TASOR: variants seen among roughly 807,000 people sequenced by gnomAD.
TASOR encodes the protein transcription activation suppressor, also known as protein TASOR.
TASOR carries 53 observed loss-of-function variants against 178.6 expected under a neutral mutation model. The observed-to-expected ratio is 0.30, with a 90% CI of 0.24 to 0.37. TASOR has a LOEUF of 0.37. Among genes scored for constraint, TASOR ranks in the 10% least tolerant of loss-of-function variants. The pLI is 1.00. For synonymous variants in TASOR, 713 were observed against 696.2 expected (o/e 1.02, Z -0.38); for missense variants, 1,815 against 1,971.4 (o/e 0.92, Z 1.50).
chr3:56,625,584 T>C (rs1381902530), intron 21 of TASOR, among the ~76,000 whole-genome samples: 1 of 152,174 alleles, frequency 6.6e-6, no homozygotes, highest in African/African-American at 2.4e-5. Flanking sequence ...GAGGCAGAGG[T>C]TGCAGTGAGC....
intron 1 of TASOR, among the ~76,000 whole-genome samples, chr3:56,678,474 C>A (rs1164515081): frequency 6.6e-6 from 1 of 151,896 alleles, no homozygotes; most frequent in Non-Finnish European, 1.5e-5. Flanking sequence ...ATCCACCATG[C>A]CCAGCCCACA....
chr3:56,659,226 G>C (rs950345399), intron 11 of TASOR, among the ~76,000 whole-genome samples: 4 of 152,112 alleles, frequency 2.6e-5, no homozygotes, highest in Admixed American at 6.5e-5. Context: ...CCTGGAAACT[G>C]AGGCTCAACA....
rs528041032 is a variant in TASOR, at chr3:56,666,921, A to G, written c.898-537T>C. 3.9e-5 allele frequency among the ~76,000 whole-genome samples: 6 copies of G among 152,354 alleles called. 1 individual carries two copies. The South Asian group carries it at 1.2e-3, about 32-fold the overall frequency. Reference sequence around the variant, plus strand: ...CCTTCACCTCTTCACCACATTCAGTATAGTACAGTTTTGTAACTTTCAGAG... The same window carrying G: ...CCTTCACCTCTTCACCACATTCAGTGTAGTACAGTTTTGTAACTTTCAGAG... On this transcript the variant is annotated intron_variant, in intron 6 of 23. Coordinates refer to ENST00000683822, the MANE Select transcript of TASOR (RefSeq NM_001365635.2).
At chr3:56,661,046 C>T (rs2077583015) in intron 9 of TASOR, 29 bp from the exon 10 acceptor site, 2 of 1,467,172 alleles carry the variant, frequency 1.4e-6, no homozygotes, top group African/African-American at 2.8e-5. Flanking sequence ...AACATGTTTG[C>T]CTTATCTGTA....
At chr3:56,645,060 G>T (rs1443622208) in intron 14 of TASOR, among the ~76,000 whole-genome samples, 1 of 152,166 alleles carries the variant, frequency 6.6e-6, no homozygotes, top group Non-Finnish European at 1.5e-5. Flanking sequence ...GATCACTTGA[G>T]GTCAGGAGTT....
At chr3:56,673,411 A>G (rs1415828142) in intron 2 of TASOR, among the ~76,000 whole-genome samples, 169 bp downstream of exon 2, 1 of 140,404 alleles carries the variant, frequency 7.1e-6, no homozygotes, top group Non-Finnish European at 1.5e-5. Context: ...CAGCCTGGGC[A>G]ACAACAGTGA....
chr3:56,630,156 G>A (rs11712799), intron 18 of TASOR, among the ~76,000 whole-genome samples: 27,521 of 151,742 alleles, frequency 0.18, 3,274 homozygotes, highest in South Asian at 0.41. Context: ...TAGTAGAGAC[G>A]GGGTTTCACC....
chr3:56,669,923 G>C, intron 4 of TASOR, 132 bp from the exon 5 acceptor site: 1 of 874,170 alleles, frequency 1.1e-6, no homozygotes, highest in Non-Finnish European at 1.7e-6. Flanking sequence ...AGATAAAACT[G>C]ATCTTACATT....
chr3:56,680,749 A>G (rs1166135723), intron 1 of TASOR, among the ~76,000 whole-genome samples: 1 of 152,144 alleles, frequency 6.6e-6, no homozygotes, highest in Non-Finnish European at 1.5e-5. Context: ...ATAAATAATT[A>G]CACAAGTTAA....
chr3:56,653,114 T>C (rs2077386372), intron 11 of TASOR, among the ~76,000 whole-genome samples: 1 of 151,110 alleles, frequency 6.6e-6, no homozygotes, highest in Non-Finnish European at 1.5e-5. Context: ...TACACGAAAA[T>C]TAGCCAGGTG....
rs1407120133 is a variant in TASOR at position 56,683,069 on chromosome 3, G to A, written c.-63C>T. The A allele has an allele frequency of 1.4e-5, 20 of 1,429,650 alleles. No individual in the cohort carries two copies. Among genetic ancestry groups the A allele is most frequent in the Non-Finnish European group, 1.8e-5 (20 of 1,086,428 alleles). The allele number at this position is 1,429,650 out of a possible 1,614,324, so 88.6% of individuals were successfully genotyped here. ...CAAGGTCGACGGGTGTGGGGGGAAG[G>A]GGCGGCGGGCCAGTCTCGCCGCCGA... On this transcript the variant is annotated 5_prime_UTR_variant, in exon 1 of 24. Transcript: ENST00000683822.
chr3:56,621,612 A>AT lies in TASOR; in HGVS notation c.*1424dup. The AT allele has an allele frequency of 6.3e-7, 1 of 1,594,564 alleles. No individual in the cohort carries two copies. The highest frequency in any genetic ancestry group is 8.5e-7 in the Non-Finnish European group (1 of 1,170,488). On this transcript the variant is annotated 3_prime_UTR_variant, in exon 24 of 24. Transcript: ENST00000683822. The stretch of plus-strand genomic sequence containing the variant: ...ATCAAGAAGAGAGTTTTGGTTCTTC[A>AT]TTTTAAATGTAGAAAATCAAATCCT...
Position 56,682,969 on chromosome 3 carries a change from G to T in TASOR, c.38C>A (p.Thr13Lys). 1.9e-6 allele frequency: 3 copies of T among 1,549,204 alleles called. No individual in the cohort carries two copies. In the Admixed American group the frequency reaches 5.9e-5, roughly 30 times the overall value. ...TAVETEACQP[T>K]DASWESGGGG... ...GCCGCCACTTTCCCAACTCGCATCC[G>T]TCGGCTGACAGGCCTCCGTCTCCAC... Residue 13 changes from threonine (T) to lysine (K), a missense_variant, in exon 1 of 24, where the codon ACG (threonine) becomes AAG (lysine). Thr to Lys is a moderately conservative substitution (Grantham distance 78). Coordinates refer to ENST00000683822, the MANE Select transcript of TASOR (RefSeq NM_001365635.2).
intron 9 of TASOR, among the ~76,000 whole-genome samples, chr3:56,661,613 A>G (rs1372608552): frequency 1.3e-5 from 2 of 152,184 alleles, no homozygotes; most frequent in African/African-American, 4.8e-5. Flanking sequence ...ATGTTTATAA[A>G]GGCCCACAAT....
intron 20 of TASOR, 86 bp downstream of exon 20, chr3:56,627,494 ATC>A (rs1231102170): frequency 1.5e-5 from 21 of 1,389,108 alleles, no homozygotes; most frequent in Non-Finnish European, 2.0e-5. Context: ...TGTACTAGTT[ATC>A]TGTGAATGGC....
chr3:56,675,651 G>T (rs1578302146), intron 1 of TASOR, among the ~76,000 whole-genome samples: 1 of 152,206 alleles, frequency 6.6e-6, no homozygotes, highest in East Asian at 1.9e-4. Context: ...TTTCACTGTA[G>T]AGAGAACTAC....
intron 11 of TASOR, among the ~76,000 whole-genome samples, chr3:56,659,124 A>G (rs542638868): frequency 6.6e-6 from 1 of 152,312 alleles, no homozygotes; most frequent in South Asian, 2.1e-4. Context: ...CTGATTAAGC[A>G]CATATATATG....
chr3:56,646,505 G>C lies in TASOR; in HGVS notation c.2215+17C>G. 1 of 1,567,184 alleles carries C rather than the reference G, an allele frequency of 6.4e-7. No individual in the cohort carries two copies. On this transcript the variant is annotated intron_variant, in intron 14 of 23. Transcript: ENST00000683822. ...TACTTTATTTTTGGCTGTTATAAGA[G>C]CAATCTGATATTTTACCTTCATACA...
chr3:56,626,551 G>A (rs955846520), intron 21 of TASOR, among the ~76,000 whole-genome samples: 5 of 151,796 alleles, frequency 3.3e-5, no homozygotes, highest in African/African-American at 4.8e-5. Context: ...GAGACCAGCC[G>A]GGCCAACACG....
Sources: allele counts gnomAD v4.1 joint callset (sites outside exome capture counted in the v4.1 genomes callset), GRCh38; gene constraint gnomAD v4.1.1; transcripts MANE v1.5; gene names NCBI Gene and HGNC (gene_info 2026-07-23, HGNC 2026-07-21).